Variants in CA5A observed in about 807,000 individuals in gnomAD.
The protein encoded by CA5A is carbonic anhydrase 5A.
In CA5A, 28 loss-of-function variants were observed where a neutral mutation model predicts 37.1. The ratio of observed to expected loss-of-function variants is 0.75; its 90% CI spans 0.56 to 1.03. The LOEUF is 1.03. Among genes scored for constraint, CA5A ranks in the 50% least tolerant of loss-of-function variants. The pLI, the probability that CA5A is intolerant of heterozygous loss-of-function variation, is 0.00. For missense variants in CA5A, 444 were observed against 399.9 expected (o/e 1.11, Z -0.94); for synonymous variants, 171 against 158.4 (o/e 1.08, Z -0.60).
rs145277168 is a variant in CA5A, at chr16:87,936,370, C to G, written c.81G>C (p.Ser27=). ...GAGAACACCATCGCCCTGGCCTCAT[C>G]GAACGACTCCAGAGAGGGGCCCACA... ...EQMWAPLWSR[S]MRPGRWCSQR... The change falls in exon 1 of 7, where the codon TCG becomes TCC. Residue 27 remains serine, a synonymous_variant. Transcript: ENST00000649794. 1 of 1,614,046 alleles carries G rather than the reference C, an allele frequency of 6.2e-7. No homozygotes were observed. Among genetic ancestry groups the G allele is most frequent in the South Asian group, 1.1e-5 (1 of 91,082 alleles).
rs565557401 is a variant in CA5A at position 87,899,919 on chromosome 16, C to CAAAAAA, written c.618+1987_618+1992dup. ...TGGGCAACAGAGCGAGATTTTATCT[C>CAAAAAA]AAAAAAAAAAAAAAAAAAAAAAAAA... On this transcript the variant is annotated intron_variant, in intron 5 of 6. Transcript: ENST00000649794. Among the ~76,000 whole-genome samples, 30 of 46,536 alleles carry CAAAAAA rather than the reference C, an allele frequency of 6.4e-4. 1 individual carries two copies. The highest frequency in any genetic ancestry group is 1.8e-3 in the African/African-American group (22 of 12,276). 30.5% of individuals were successfully genotyped at this position (46,536 alleles called of 152,430 possible).
At chr16:87,917,751 A>G (rs959103607) in intron 2 of CA5A, among the ~76,000 whole-genome samples, 1 of 99,436 alleles carries the variant, frequency 1.0e-5, no homozygotes, top group Non-Finnish European at 1.8e-5. Context: ...ACATGCACAC[A>G]TGTATACACA....
intron 5 of CA5A, among the ~76,000 whole-genome samples, chr16:87,900,284 G>C (rs1421900423): frequency 6.6e-6 from 1 of 152,216 alleles, no homozygotes; most frequent in East Asian, 1.9e-4. Context: ...GGAAGAGGAT[G>C]GGGCGTCAGA....
intron 2 of CA5A, chr16:87,924,426 G>A (rs1255029863): frequency 1.6e-5 from 9 of 579,152 alleles, no homozygotes; most frequent in African/African-American, 4.1e-5. Context: ...AAGCTCTCAC[G>A]CCCTGCCCCC....
intron 5 of CA5A, among the ~76,000 whole-genome samples, chr16:87,896,290 G>A (rs562409966): frequency 2.6e-5 from 4 of 152,304 alleles, no homozygotes; most frequent in South Asian, 2.1e-4. Flanking sequence ...ATGCCACTGC[G>A]GGTAGGTTTC....
chr16:87,936,258 A>G, intron 1 of CA5A, 51 bp downstream of exon 1: 1 of 1,319,052 alleles, frequency 7.6e-7, no homozygotes, highest in East Asian at 2.3e-5. Context: ...AGACCCCATC[A>G]GCTAAGACAA....
chr16:87,923,703 A>C (rs2056261780), intron 2 of CA5A: 1 of 985,332 alleles, frequency 1.0e-6, no homozygotes, highest in Non-Finnish European at 1.2e-6. Context: ...TAACAAACAA[A>C]AGTCCAAAAT....
chr16:87,929,886 A>AAAAT (rs1169068003), intron 1 of CA5A, among the ~76,000 whole-genome samples: 1 of 151,562 alleles, frequency 6.6e-6, no homozygotes, highest in Non-Finnish European at 1.5e-5. Context: ...AAAAAAAAAA[A>AAAAT]AAAAAAAAAA....
At chr16:87,934,543 T>C (rs1274905168) in intron 1 of CA5A, among the ~76,000 whole-genome samples, 1 of 151,304 alleles carries the variant, frequency 6.6e-6, no homozygotes, top group Non-Finnish European at 1.5e-5. Context: ...CGCTCCAGCC[T>C]GGGCAACAAG....
chr16:87,900,551 T>G (rs138663182), intron 5 of CA5A, among the ~76,000 whole-genome samples: 330 of 152,354 alleles, frequency 2.2e-3, no homozygotes, highest in Non-Finnish European at 3.8e-3. Flanking sequence ...GCCCTGGAAT[T>G]CTTTTGTATG....
At chr16:87,888,502 T>C (rs374429499) in intron 6 of CA5A, among the ~76,000 whole-genome samples, 1 of 152,056 alleles carries the variant, frequency 6.6e-6, no homozygotes, top group Non-Finnish European at 1.5e-5. Context: ...GGTCGCCATA[T>C]TGGGAGGGTA....
rs143076449 is a variant in CA5A, at chr16:87,905,817, A to G, written c.341-913T>C. 8.1e-3 allele frequency among the ~76,000 whole-genome samples: 1,235 copies of G among 152,224 alleles called. 8 individuals carry two copies. The highest frequency in any genetic ancestry group is 0.013 in the Non-Finnish European group (883 of 68,008). On this transcript the variant is annotated intron_variant, in intron 2 of 6. Coordinates refer to ENST00000649794, the MANE Select transcript of CA5A (RefSeq NM_001739.2). ...ACTCACCTTGGAGTCAGCACTCTCT[A>G]CCTGCAGGCCTCGGGGTGCCCCTCT...
intron 2 of CA5A, among the ~76,000 whole-genome samples, chr16:87,922,965 T>G (rs2056251075): frequency 3.3e-5 from 5 of 152,174 alleles, no homozygotes; most frequent in Admixed American, 2.6e-4. Context: ...CCACGACTGT[T>G]GAAAGGAAGA....
At chr16:87,882,842 C>G (rs1240939695) in intron 4 of CA5A, 2 of 152,532 alleles carry the variant, frequency 1.3e-5, no homozygotes, top group Non-Finnish European at 2.9e-5. Context: ...TCCTTCAACC[C>G]AATCCTCTTT....
rs60280559 is a variant in CA5A, at chr16:87,906,231, C to CCTCGTTTCACCCGCCTTG, written c.341-1328_341-1327insCAAGGCGGGTGAAACGAG. ...AGTGCCTCCCATAGCTGTGGAGGAG[C>CCTCGTTTCACCCGCCTTG]CTCATGTCACCTCCCGCTGTGGCAA... On this transcript the variant is annotated intron_variant, in intron 2 of 6. Coordinates refer to ENST00000649794, the MANE Select transcript of CA5A (RefSeq NM_001739.2). Among the ~76,000 whole-genome samples the CCTCGTTTCACCCGCCTTG allele has an allele frequency of 4.9e-3, 730 of 148,096 alleles. 6 individuals are homozygous for CCTCGTTTCACCCGCCTTG. Among genetic ancestry groups the CCTCGTTTCACCCGCCTTG allele is most frequent in the African/African-American group, 0.017 (687 of 39,402 alleles).
rs539578461 is a variant in CA5A at position 87,916,095 on chromosome 16, G to A, written c.340+10653C>T. On this transcript the variant is annotated intron_variant, in intron 2 of 6. Coordinates refer to ENST00000649794, the MANE Select transcript of CA5A (RefSeq NM_001739.2). ...CGGCAGGAGAATGGCGTGAACCCGGGAGGTGGAGCTTGCAGTGAGCAGAGA... is the reference window on the plus strand; with the variant it reads ...CGGCAGGAGAATGGCGTGAACCCGGAAGGTGGAGCTTGCAGTGAGCAGAGA... 9.9e-5 allele frequency among the ~76,000 whole-genome samples: 15 copies of A among 151,436 alleles called. No individual in the cohort carries two copies. In the East Asian group the frequency reaches 1.2e-3, roughly 12 times the overall value.
chr16:87,905,919 C>T (rs753065704), intron 2 of CA5A, among the ~76,000 whole-genome samples: 3 of 152,208 alleles, frequency 2.0e-5, no homozygotes, highest in Admixed American at 6.5e-5. Context: ...AAGCATCGCT[C>T]GCTGAGGCCT....
chr16:87,895,164 G>A (rs954281477), intron 5 of CA5A, among the ~76,000 whole-genome samples: 7 of 151,982 alleles, frequency 4.6e-5, no homozygotes, highest in African/African-American at 1.7e-4. Context: ...GTGGGAGGAT[G>A]GCTTGAGCCC....
intron 5 of CA5A, among the ~76,000 whole-genome samples, chr16:87,894,611 G>A (rs1256587566): frequency 6.6e-6 from 1 of 151,832 alleles, no homozygotes; most frequent in Non-Finnish European, 1.5e-5. Flanking sequence ...GGGCACAGTG[G>A]CTCATGCCTG....
Sources: allele counts gnomAD v4.1 joint callset (sites outside exome capture counted in the v4.1 genomes callset), GRCh38; gene constraint gnomAD v4.1.1; transcripts MANE v1.5; gene names NCBI Gene and HGNC (gene_info 2026-07-23, HGNC 2026-07-21).